The following SPTA1 variants were observed in gnomAD, a reference collection of about 807,000 sequenced individuals.
SPTA1 encodes the protein spectrin alpha chain, erythrocytic 1.
Under a neutral mutation model 324.7 loss-of-function variants are expected in SPTA1, and 177 were observed. The ratio of observed to expected loss-of-function variants is 0.55; its 90% confidence interval spans 0.48 to 0.62. The LOEUF (loss-of-function observed/expected upper bound fraction) is 0.62, where lower values mean the gene tolerates loss of function less well. SPTA1 is among the 20% of genes least tolerant of loss of function. The pLI is 0.00. For missense variants in SPTA1, 3,162 were observed against 2,883.6 expected, an observed-to-expected ratio of 1.10 and a Z score of -2.21; for synonymous variants, 1,195 against 1,041.3, an observed-to-expected ratio of 1.15 and a Z score of -2.84.
At position 158,620,389 on chromosome 1, in the gene SPTA1, C is replaced by A. The variant is rs773750489; in HGVS notation, c.6198G>T (p.Leu2066Phe). ...GGGAGACACAGTGCACAGGCTCTGA[C>A]AAGTTTTCTTCCATCTTTTCACACC... is the stretch of plus-strand genomic sequence containing the variant. ...NNWCEKMEEN[L>F]SEPVHCVSLN... Residue 2066 changes from leucine (L) to phenylalanine (F), a missense_variant, in exon 44 of 52, where the codon TTG becomes TTT. Transcript: ENST00000643759. The A allele has an allele frequency of 1.2e-5, 19 of 1,613,980 alleles. No homozygotes were observed. Among genetic ancestry groups the A allele is most frequent in the Non-Finnish European group, 1.5e-5 (18 of 1,180,028 alleles).
At chr1:158,633,354 T>A (rs1020621079) in intron 39 of SPTA1, among the ~76,000 whole-genome samples, 3 of 152,200 alleles carry the variant, frequency 2.0e-5, no homozygotes, top group Non-Finnish European at 4.4e-5. Flanking sequence ...TTCTTATAAC[T>A]GCATGTGAAT....
Position 158,647,730 on chromosome 1 carries a change from T to C in SPTA1, c.3715-10A>G, listed in dbSNP as rs1652106721. Reference sequence around the variant, plus strand: ...CCCCCAGTATGGTCACCTGGGGAGGTACAATAGCTCTGATAATCAGCCTAG... The same window carrying C: ...CCCCCAGTATGGTCACCTGGGGAGGCACAATAGCTCTGATAATCAGCCTAG... On this transcript the variant is annotated splice_polypyrimidine_tract_variant and intron_variant, in intron 26 of 51. Coordinates refer to ENST00000643759, the MANE Select transcript of SPTA1 (RefSeq NM_003126.4). 1.2e-6 allele frequency: 2 copies of C among 1,613,486 alleles called. No homozygotes were observed. The highest frequency in any genetic ancestry group is 2.7e-5 in the African/African-American group (2 of 74,830).
Position 158,674,440 on chromosome 1 carries a change from C to T in SPTA1, c.1249-10G>A, listed in dbSNP as rs769248406. 1.2e-6 allele frequency: 2 copies of T among 1,614,062 alleles called. No homozygotes were observed. The highest frequency in any genetic ancestry group is 1.7e-5 in the Admixed American group (1 of 60,008). On this transcript the variant is annotated splice_polypyrimidine_tract_variant and intron_variant, in intron 9 of 51. Transcript: ENST00000643759. ...AAGAGTCAATCTCATGCTGTGGCCA[C>T]AAAACAAAGTGTCTCAAAATGCAGC...
chr1:158,630,330 A>C lies in SPTA1; in HGVS notation c.5566-2607T>G, dbSNP rs73018216. ...GAATGAAACAGAATAGAGAGTCCAGAAATAAACCCATGTATATGTAGTTAA... is the reference window on the plus strand; with the variant it reads ...GAATGAAACAGAATAGAGAGTCCAGCAATAAACCCATGTATATGTAGTTAA... On this transcript the variant is annotated intron_variant, in intron 39 of 51. Transcript: ENST00000643759. Among the ~76,000 whole-genome samples, 844 of 152,192 alleles carry C rather than the reference A, an allele frequency of 5.5e-3. 5 individuals are homozygous for C. The highest frequency in any genetic ancestry group is 0.019 in the African/African-American group (803 of 41,568).
At chr1:158,665,981 C>A (rs1313795165) in intron 16 of SPTA1, among the ~76,000 whole-genome samples, 1 of 152,026 alleles carries the variant, frequency 6.6e-6, no homozygotes, top group Admixed American at 6.6e-5. Flanking sequence ...GTCAATAAAG[C>A]CTTACACTAA....
chr1:158,659,595 A>ATTTTTTTTTTTTTTTTTTTTTTTTT lies in SPTA1; in HGVS notation c.2587+1667_2587+1691dup, dbSNP rs1177353050. 3.8e-4 allele frequency among the ~76,000 whole-genome samples: 26 copies of ATTTTTTTTTTTTTTTTTTTTTTTTT among 68,776 alleles called. 6 individuals carry two copies. Among genetic ancestry groups the ATTTTTTTTTTTTTTTTTTTTTTTTT allele is most frequent in the Non-Finnish European group, 8.0e-4 (24 of 30,032 alleles). 45.1% of individuals were successfully genotyped at this position (68,776 alleles called of 152,430 possible). On this transcript the variant is annotated intron_variant, in intron 18 of 51. Coordinates refer to ENST00000643759, the MANE Select transcript of SPTA1 (RefSeq NM_003126.4). ...AAAAGAAAATAATAGTCTTAGCATTATTTTTTTTTTTTTTTTTTTTTTTTT... is the reference window on the plus strand; with the variant it reads ...AAAAGAAAATAATAGTCTTAGCATTATTTTTTTTTTTTTTTTTTTTTTTTTTTTTTTTTTTTTTTTTTTTTTTTTT...
chr1:158,666,235 A>T, intron 16 of SPTA1, 81 bp downstream of exon 16: 2 of 1,392,872 alleles, frequency 1.4e-6, no homozygotes, highest in East Asian at 2.4e-5. Flanking sequence ...AATAAGTAAT[A>T]ATTACTTATT....
chr1:158,684,681 G>A (rs759073559), intron 2 of SPTA1, among the ~76,000 whole-genome samples: 1 of 151,794 alleles, frequency 6.6e-6, no homozygotes, highest in Non-Finnish European at 1.5e-5. Flanking sequence ...ATTTGTGCTG[G>A]ATCTGAAAAA....
chr1:158,674,644 G>A lies in SPTA1; in HGVS notation c.1144C>T (p.Leu382Phe). The A allele has an allele frequency of 1.2e-6, 2 of 1,613,966 alleles. No homozygotes were observed. Among genetic ancestry groups the A allele is most frequent in the Non-Finnish European group, 1.7e-6 (2 of 1,179,980 alleles). ...GTCTTCTCGTTCATCCAGCCTGAGA[G>A]TTCATCAAAGTCAGATGAAAATCGA... ...YHRFSSDFDE[L>F]SGWMNEKTAA... The change falls in exon 9 of 52, where the codon CTC becomes TTC. Residue 382 changes from leucine to phenylalanine, a missense_variant. Leu to Phe is a conservative substitution (Grantham distance 22). Transcript: ENST00000643759.
At position 158,654,751 on chromosome 1, in the gene SPTA1, G is replaced by C; in HGVS notation, c.2899-3C>G. 1 of 1,613,290 alleles carries C rather than the reference G, an allele frequency of 6.2e-7. No individual in the cohort carries two copies. Among genetic ancestry groups the C allele is most frequent in the South Asian group, 1.1e-5 (1 of 91,058 alleles). Reference sequence around the variant, plus strand: ...TCCACTGGTGCAGCCTGTTGTTGCTGAATAAAAACAGGAAGCAGGTGTCAG... The same window carrying C: ...TCCACTGGTGCAGCCTGTTGTTGCTCAATAAAAACAGGAAGCAGGTGTCAG... On this transcript the variant is annotated splice_region_variant and splice_polypyrimidine_tract_variant and intron_variant, in intron 20 of 51. Transcript: ENST00000643759.
At chr1:158,676,081 C>T (rs771957470) in intron 8 of SPTA1, 60 bp downstream of exon 8, 27 of 1,606,586 alleles carry the variant, frequency 1.7e-5, no homozygotes, top group Middle Eastern at 1.7e-4. Context: ...TTTCTTCTCT[C>T]GCTATTATAT....
intron 42 of SPTA1, among the ~76,000 whole-genome samples, chr1:158,624,722 T>C (rs775652223): frequency 6.6e-6 from 1 of 152,304 alleles, no homozygotes; most frequent in Admixed American, 6.5e-5. Context: ...GTCAATATTG[T>C]ATTTTCCCCT....
intron 6 of SPTA1, 88 bp downstream of exon 6, chr1:158,678,313 C>T (rs1654541376): frequency 6.4e-7 from 1 of 1,567,422 alleles, no homozygotes; most frequent in East Asian, 2.2e-5. Flanking sequence ...CCATTAATTG[C>T]TAACAGAAGT....
At chr1:158,631,958 T>C (rs1650702805) in intron 39 of SPTA1, among the ~76,000 whole-genome samples, 1 of 152,284 alleles carries the variant, frequency 6.6e-6, no homozygotes, top group African/African-American at 2.4e-5. Context: ...TCCAAAAGGA[T>C]AAGGAAATAA....
intron 8 of SPTA1, 32 bp downstream of exon 8, chr1:158,676,109 A>G: frequency 6.2e-7 from 1 of 1,612,700 alleles, no homozygotes; most frequent in Non-Finnish European, 8.5e-7. Flanking sequence ...CTGTAGAGAT[A>G]GGTAGAGCAA....
At chr1:158,686,323 C>T (rs1476916461) in intron 1 of SPTA1, among the ~76,000 whole-genome samples, 171 bp downstream of exon 1, 1 of 151,854 alleles carries the variant, frequency 6.6e-6, no homozygotes, top group Non-Finnish European at 1.5e-5. Context: ...GCTGCACAGA[C>T]ATAAGCTCAA....
At chr1:158,658,772 C>G (rs1323616983) in intron 18 of SPTA1, among the ~76,000 whole-genome samples, 1 of 152,084 alleles carries the variant, frequency 6.6e-6, no homozygotes, top group Non-Finnish European at 1.5e-5. Context: ...ATATTACATA[C>G]AGAGGAGCAA....
Position 158,611,207 on chromosome 1 carries a change from C to T in SPTA1, c.*57G>A, listed in dbSNP as rs1389450582. On this transcript the variant is annotated 3_prime_UTR_variant, in exon 52 of 52. Transcript: ENST00000643759. ...TTCCACATTTGCCTGTACTCTTTGC[C>T]CCCCAGTAAATTTCCCACGACACTA... 2 of 1,606,172 alleles carry T rather than the reference C, an allele frequency of 1.2e-6. No individual in the cohort carries two copies. The highest frequency in any genetic ancestry group is 1.7e-6 in the Non-Finnish European group (2 of 1,174,788).
Position 158,654,722 on chromosome 1 carries a change from T to C in SPTA1, c.2925A>G (p.Gly975=), listed in dbSNP as rs754239908. 5 of 1,613,752 alleles carry C rather than the reference T, an allele frequency of 3.1e-6. No homozygotes were observed. The highest frequency in any genetic ancestry group is 4.5e-5 in the East Asian group (2 of 44,844). ...CQQQQAAPVE[G]VAGEQRVMAL... ...CCATGACCCTTTGTTCTCCAGCAACTCCCTCCACTGGTGCAGCCTGTTGTT... is the reference window on the plus strand; with the variant it reads ...CCATGACCCTTTGTTCTCCAGCAACCCCCTCCACTGGTGCAGCCTGTTGTT... Residue 975 remains glycine (G), a synonymous_variant, in exon 21 of 52, where the codon GGA becomes GGG. Transcript: ENST00000643759.
Sources: gnomAD v4.1 joint callset for allele counts (sites outside exome capture counted in the v4.1 genomes callset) on GRCh38, gnomAD v4.1.1 for gene constraint, MANE v1.5 for transcripts, NCBI Gene and HGNC (gene_info 2026-07-23, HGNC 2026-07-21) for gene names.